The following DENND2B variants were observed in gnomAD, a reference collection of about 807,000 sequenced individuals.
DENND2B encodes DENN domain-containing protein 2B.
In DENND2B, 32 loss-of-function variants were observed where a neutral mutation model predicts 116.0. The ratio of observed to expected loss-of-function variants is 0.28; its 90% CI spans 0.21 to 0.37. The LOEUF (loss-of-function observed/expected upper bound fraction) is 0.37. Ranked by LOEUF, DENND2B falls within the 10% of genes least tolerant of loss-of-function variation. The probability of loss-of-function intolerance (pLI) is 1.00; values close to 1 mark genes in which losing one functional copy is unlikely to be tolerated. For synonymous variants in DENND2B, 588 were observed against 583.9 expected (o/e 1.01, Z -0.10); for missense variants, 1,276 against 1,477.7 (o/e 0.86, Z 2.24).
At chr11:8,750,261 C>T (rs1456977896) in intron 2 of DENND2B, among the ~76,000 whole-genome samples, 1 of 152,138 alleles carries the variant, frequency 6.6e-6, no homozygotes, top group African/African-American at 2.4e-5. Context: ...TGCCTCTCTA[C>T]CCTTAGCCCA....
At chr11:8,862,308 T>G (rs2096103784) in intron 2 of DENND2B, among the ~76,000 whole-genome samples, 1 of 147,164 alleles carries the variant, frequency 6.8e-6, no homozygotes. Flanking sequence ...GGGAAAAAGA[T>G]TAACTTTTTC....
intron 1 of DENND2B, chr11:8,766,500 T>G (rs2055816807): frequency 1.3e-6 from 1 of 751,040 alleles, no homozygotes; most frequent in Non-Finnish European, 1.9e-6. Flanking sequence ...ACGCTCAGAC[T>G]TGGGCAATGT....
At chr11:8,698,912 A>C in intron 16 of DENND2B, 21 bp downstream of exon 16, 1 of 1,614,088 alleles carries the variant, frequency 6.2e-7, no homozygotes, top group Non-Finnish European at 8.5e-7. Context: ...GCCCAACTCT[A>C]GCAAGCACCC....
intron 1 of DENND2B, among the ~76,000 whole-genome samples, chr11:8,896,117 G>A (rs1332805092): frequency 6.6e-6 from 1 of 152,104 alleles, no homozygotes; most frequent in African/African-American, 2.4e-5. Context: ...CTTAGTATAA[G>A]CTAGGAGATA....
chr11:8,863,922 C>T (rs527271556), intron 2 of DENND2B, among the ~76,000 whole-genome samples: 52 of 152,232 alleles, frequency 3.4e-4, no homozygotes, highest in African/African-American at 1.2e-3. Flanking sequence ...TTAGAATGCA[C>T]TCATCCCTGG....
intron 2 of DENND2B, among the ~76,000 whole-genome samples, chr11:8,870,458 T>C (rs1239589190): frequency 6.6e-6 from 1 of 151,568 alleles, no homozygotes; most frequent in Non-Finnish European, 1.5e-5. Context: ...GCATGCAAAG[T>C]TAATTTTCCT....
chr11:8,750,176 T>C (rs576103980), intron 2 of DENND2B, among the ~76,000 whole-genome samples: 1 of 152,344 alleles, frequency 6.6e-6, no homozygotes, highest in East Asian at 1.9e-4. Context: ...AAATCCATGA[T>C]TCCAAAATCC....
intron 2 of DENND2B, among the ~76,000 whole-genome samples, chr11:8,877,067 A>C (rs2063850515): frequency 6.9e-6 from 1 of 145,760 alleles, no homozygotes; most frequent in African/African-American, 2.5e-5. Flanking sequence ...TTGCTAAGTC[A>C]TCCTTCTTCC....
intron 3 of DENND2B, among the ~76,000 whole-genome samples, chr11:8,843,085 C>T (rs545401932): frequency 1.3e-5 from 2 of 152,040 alleles, no homozygotes; most frequent in African/African-American, 2.4e-5. Flanking sequence ...GGCGCGATCT[C>T]GGCTCACTGC....
At chr11:8,718,350 G>A (rs1219612734) in intron 4 of DENND2B, 47 of 1,534,344 alleles carry the variant, frequency 3.1e-5, no homozygotes, top group East Asian at 4.9e-5. Flanking sequence ...GATCTCCCTG[G>A]GGACCTACTT....
intron 1 of DENND2B, among the ~76,000 whole-genome samples, chr11:8,897,932 A>T (rs149007856): frequency 6.6e-6 from 1 of 152,224 alleles, no homozygotes; most frequent in East Asian, 1.9e-4. Context: ...CACCATGCCC[A>T]GCTAATTTTT....
At chr11:8,880,371 G>GTGTC (rs1470790998) in intron 2 of DENND2B, among the ~76,000 whole-genome samples, 1 of 151,860 alleles carries the variant, frequency 6.6e-6, no homozygotes, top group African/African-American at 2.4e-5. Flanking sequence ...GTGTGTGTGT[G>GTGTC]TGTGTGTGTG....
chr11:8,794,431 A>G (rs535678759), intron 1 of DENND2B, among the ~76,000 whole-genome samples: 1 of 152,294 alleles, frequency 6.6e-6, no homozygotes, highest in Admixed American at 6.5e-5. Flanking sequence ...AGGCTACAGG[A>G]GCCCCAGGTG....
At chr11:8,910,519 C>A (rs1164352210) in intron 1 of DENND2B, among the ~76,000 whole-genome samples, 1 of 151,950 alleles carries the variant, frequency 6.6e-6, no homozygotes, top group Non-Finnish European at 1.5e-5. Context: ...TCGACCCTCC[C>A]GAGTACCTGG....
chr11:8,851,537 C>T (rs1358537888), intron 3 of DENND2B, among the ~76,000 whole-genome samples: 1 of 152,110 alleles, frequency 6.6e-6, no homozygotes. Context: ...CTCGCTCACG[C>T]TAGTAGAAGT....
Position 8,695,524 on chromosome 11 carries a change from C to G in DENND2B, c.3318G>C (p.Gln1106His). Residue 1106 changes from glutamine (Q) to histidine (H), a missense_variant, in exon 19 of 20, where the codon CAG (glutamine) becomes CAC (histidine). By Grantham distance (24) the Gln-to-His change is conservative. This residue lies in a region of DENND2B where 420 missense variants were observed against 631.1 expected (regional missense o/e 0.67). Transcript: ENST00000313726. ...CAGTGTCTGGGAGTTCTTCTAAGTA[C>G]TGCTCCACTCGCTGCTCAAAAAGGC... ...AKGLFEQRVE[Q>H]YLEELPDTEQ... 1 of 1,613,930 alleles carries G rather than the reference C, an allele frequency of 6.2e-7. No homozygotes were observed. The highest frequency in any genetic ancestry group is 8.5e-7 in the Non-Finnish European group (1 of 1,180,024).
At chr11:8,724,671 C>T (rs1197200976) in intron 4 of DENND2B, among the ~76,000 whole-genome samples, 3 of 152,178 alleles carry the variant, frequency 2.0e-5, no homozygotes, top group African/African-American at 7.2e-5. Flanking sequence ...AAGACAAATC[C>T]CAATGGAGTC....
At position 8,858,094 on chromosome 11, in the gene DENND2B, C is replaced by G. The variant is rs576357920; in HGVS notation, c.-249-658G>C. ...ATGATAGCAAAGCCTTGGTAATAAACATAAAACCAGTTAGGACCCAGGCTG... is the reference window on the plus strand; with the variant it reads ...ATGATAGCAAAGCCTTGGTAATAAAGATAAAACCAGTTAGGACCCAGGCTG... On this transcript the variant is annotated intron_variant, in intron 2 of 6. Transcript: ENST00000524757. Among the ~76,000 whole-genome samples, 167 of 152,282 alleles carry G rather than the reference C, an allele frequency of 1.1e-3. 2 individuals are homozygous for G. Among genetic ancestry groups the G allele is most frequent in the African/African-American group, 3.8e-3 (159 of 41,558 alleles).
intron 11 of DENND2B, among the ~76,000 whole-genome samples, chr11:8,709,591 C>T (rs750209597): frequency 9.9e-5 from 15 of 152,162 alleles, no homozygotes; most frequent in Non-Finnish European, 1.9e-4. Context: ...CTTTGCCCCT[C>T]CATGGGCATT....
Sources: gnomAD v4.1 joint callset for allele counts (sites outside exome capture counted in the v4.1 genomes callset) on GRCh38, gnomAD v4.1.1 for gene constraint, gnomAD v4.1.1 regional missense constraint, MANE v1.5 for transcripts, NCBI Gene and HGNC (gene_info 2026-07-23, HGNC 2026-07-21) for gene names.